ALG2: variants seen among roughly 807,000 people sequenced by gnomAD.
ALG2 encodes alpha-1,3/1,6-mannosyltransferase ALG2.
Under a neutral mutation model 30.5 loss-of-function variants are expected in ALG2, and 32 were observed. That is an observed-to-expected ratio of 1.05 (90% CI 0.79 to 1.41). The LOEUF (loss-of-function observed/expected upper bound fraction) is 1.41. Among genes scored for constraint, ALG2 ranks in the 40% most tolerant of loss-of-function variants. The pLI is 0.00. For synonymous variants in ALG2, 253 were observed against 224.8 expected (o/e 1.13, Z -1.12); for missense variants, 574 against 526.4 (o/e 1.09, Z -0.88).
intron 1 of ALG2, chr9:99,221,125 G>A: frequency 7.3e-7 from 1 of 1,361,462 alleles, no homozygotes; most frequent in Non-Finnish European, 9.7e-7. Context: ...AAGGACAGTG[G>A]GATGCAAATG....
At position 99,218,380 on chromosome 9, in the gene ALG2, C is replaced by T. The variant is rs1828733923; in HGVS notation, c.805G>A (p.Gly269Ser). The change falls in exon 2 of 2, where the codon GGT becomes AGT. Residue 269 changes from glycine (G) to serine (S), a missense_variant. Transcript: ENST00000476832. ...WERVHLIVAGGYDERVLENVE... is the reference protein window; with the variant it reads ...WERVHLIVAGSYDERVLENVE... ...TTCTCCAGGACTCTCTCGTCATAAC[C>T]ACCTGCCACGATCAGATGAACCCTC... 6.2e-7 allele frequency: 1 copy of T among 1,614,214 alleles called. No homozygotes were observed. The highest frequency in any genetic ancestry group is 1.7e-5 in the Admixed American group (1 of 60,024).
intron 1 of ALG2, among the ~76,000 whole-genome samples, chr9:99,219,630 A>G (rs569438015): frequency 2.2e-4 from 33 of 152,386 alleles, no homozygotes; most frequent in African/African-American, 7.2e-4. Flanking sequence ...GCTAGTCATC[A>G]TTGAGCATGA....
intron 1 of ALG2, chr9:99,220,871 A>T (rs1019099348): frequency 2.6e-6 from 3 of 1,167,782 alleles, no homozygotes; most frequent in Non-Finnish European, 3.4e-6. Context: ...TAAATTTTTA[A>T]TCGAGTAAAT....
rs1564217545 is a variant in ALG2, at chr9:99,218,336, T to C, written c.849A>G (p.Glu283=). The C allele has an allele frequency of 6.2e-7, 1 of 1,614,240 alleles. No homozygotes were observed. The highest frequency in any genetic ancestry group is 8.5e-7 in the Non-Finnish European group (1 of 1,180,038). The change falls in exon 2 of 2, where the codon GAA becomes GAG. Residue 283 remains glutamate, a synonymous_variant. Transcript: ENST00000476832. ...CGGACTGTTGGACCATTTTCTTCAA[T>C]TCCTGATAATGTTCCACATTCTCCA... The part of the protein sequence containing the change: ...RVLENVEHYQ[E]LKKMVQQSDL...
At chr9:99,220,726 G>A (rs80182147) in intron 1 of ALG2, among the ~76,000 whole-genome samples, 8,315 of 152,214 alleles carry the variant, frequency 0.055, 309 homozygotes, top group Non-Finnish European at 0.079. Flanking sequence ...CCAATAAGAA[G>A]ATATAGATAT....
rs1410120544 is a variant in ALG2 at position 99,216,564 on chromosome 9, A to T, written c.*1370T>A. ...ATGCACATGATAAACTGTAAAATGG[A>T]ATTTCACCCATTGAAGAGCCCCAAA... On this transcript the variant is annotated 3_prime_UTR_variant, in exon 2 of 2. Coordinates refer to ENST00000476832, the MANE Select transcript of ALG2 (RefSeq NM_033087.4). 2 of 454,024 alleles carry T rather than the reference A, an allele frequency of 4.4e-6. No individual in the cohort carries two copies. The highest frequency in any genetic ancestry group is 8.8e-6 in the Non-Finnish European group (2 of 226,798). 28.1% of individuals were successfully genotyped at this position (454,024 alleles called of 1,614,324 possible).
intron 1 of ALG2, 58 bp from the exon 2 acceptor site, chr9:99,218,894 A>G (rs1401671330): frequency 1.3e-6 from 2 of 1,584,596 alleles, no homozygotes; most frequent in Admixed American, 1.7e-5. Flanking sequence ...CAACCAAACC[A>G]AAAACACAGA....
At position 99,218,822 on chromosome 9, in the gene ALG2, G is replaced by C; in HGVS notation, c.363C>G (p.Ile121Met). 6.2e-7 allele frequency: 1 copy of C among 1,604,356 alleles called. No individual in the cohort carries two copies. Among genetic ancestry groups the C allele is most frequent in the Non-Finnish European group, 8.5e-7 (1 of 1,179,962 alleles). The change falls in exon 2 of 2, where the codon ATC (isoleucine) becomes ATG (methionine). Residue 121 changes from isoleucine to methionine, a missense_variant. Coordinates refer to ENST00000476832, the MANE Select transcript of ALG2 (RefSeq NM_033087.4). ...VVVCDQVSAC[I>M]PVFRLARRRK... is the part of the protein sequence containing the mutation. ...GCCGTCTAGCCAGCCTGAACACTGG[G>C]ATACAGGCAGACACCTAGCCAAAGC...
rs1210458360 is a variant in ALG2 at position 99,218,623 on chromosome 9, A to T, written c.562T>A (p.Phe188Ile). The change falls in exon 2 of 2, where the codon TTC (phenylalanine) becomes ATC (isoleucine). Residue 188 changes from phenylalanine (F) to isoleucine (I), a missense_variant. Phe to Ile is a conservative substitution (Grantham distance 21). Transcript: ENST00000476832. The stretch of plus-strand genomic sequence containing the variant: ...GGGTCTATGTGAGACAGGGACTTGA[A>T]TGTTTCCTTAAAAACAGCAGCTGTG... Reference protein sequence around the residue: ...QFTAAVFKETFKSLSHIDPDV... With the variant: ...QFTAAVFKETIKSLSHIDPDV... The T allele has an allele frequency of 6.2e-7, 1 of 1,614,190 alleles. No homozygotes were observed. The highest frequency in any genetic ancestry group is 1.3e-5 in the African/African-American group (1 of 75,046).
rs1396740951 is a variant in ALG2 at position 99,218,836 on chromosome 9, C to T, written c.349G>A (p.Val117Met). Reference protein sequence around the residue: ...EEFDVVVCDQVSACIPVFRLA... With the variant: ...EEFDVVVCDQMSACIPVFRLA... ...CTGAACACTGGGATACAGGCAGACA[C>T]CTAGCCAAAGCAAAAATCAACAGCG... Residue 117 changes from valine to methionine, a missense_variant and splice_region_variant, in exon 2 of 2, where the codon GTG becomes ATG. By Grantham distance (21) the Val-to-Met change is conservative. Coordinates refer to ENST00000476832, the MANE Select transcript of ALG2 (RefSeq NM_033087.4). The T allele has an allele frequency of 6.2e-7, 1 of 1,602,682 alleles. No individual in the cohort carries two copies. Among genetic ancestry groups the T allele is most frequent in the South Asian group, 1.1e-5 (1 of 91,078 alleles).
rs1414961687 is a variant in ALG2 at position 99,217,396 on chromosome 9, A to T, written c.*538T>A. ...TGATAAACACCTTTTATTATATCTC[A>T]GTGTGCAAAAATACAAATTATCTTA... On this transcript the variant is annotated 3_prime_UTR_variant, in exon 2 of 2. Transcript: ENST00000476832. 1 of 453,954 alleles carries T rather than the reference A, an allele frequency of 2.2e-6. No individual in the cohort carries two copies. The highest frequency in any genetic ancestry group is 2.0e-5 in the African/African-American group (1 of 49,992). The allele number at this position is 453,954 out of a possible 1,614,324, so 28.1% of individuals were successfully genotyped here. A position where few individuals can be genotyped will look rare whatever the true frequency, so the allele number is the denominator to read the frequency against.
At position 99,218,502 on chromosome 9, in the gene ALG2, A is replaced by G. The variant is rs763280373; in HGVS notation, c.683T>C (p.Leu228Pro). Residue 228 changes from leucine (L) to proline (P), a missense_variant, in exon 2 of 2, where the codon CTG becomes CCG. By Grantham distance (98) the Leu-to-Pro change is moderately conservative. Coordinates refer to ENST00000476832, the MANE Select transcript of ALG2 (RefSeq NM_033087.4). Reference sequence around the variant, plus strand: ...CCTTTCGTATCTGTTGATGGAGAGCAGCAGGAATTTTTTCCCCTTGGGGAC... The same window carrying G: ...CCTTTCGTATCTGTTGATGGAGAGCGGCAGGAATTTTTTCCCCTTGGGGAC... ...DLVPKGKKFLLLSINRYERKK... is the reference protein window; with the variant it reads ...DLVPKGKKFLPLSINRYERKK... 4 of 1,614,246 alleles carry G rather than the reference A, an allele frequency of 2.5e-6. No individual in the cohort carries two copies. Among genetic ancestry groups the G allele is most frequent in the Non-Finnish European group, 3.4e-6 (4 of 1,180,036 alleles).
chr9:99,221,132 A>C, intron 1 of ALG2: 1 of 1,359,454 alleles, frequency 7.4e-7, no homozygotes, highest in Non-Finnish European at 9.7e-7. Flanking sequence ...GTGGGATGCA[A>C]ATGGCCTGAA....
chr9:99,216,610 C>G lies in ALG2; in HGVS notation c.*1324G>C. The G allele has an allele frequency of 2.2e-6, 1 of 453,854 alleles. No homozygotes were observed. 28.1% of individuals were successfully genotyped at this position (453,854 alleles called of 1,614,324 possible). On this transcript the variant is annotated 3_prime_UTR_variant, in exon 2 of 2. Transcript: ENST00000476832. ...CCAAAAGAACAATATGGTAGTGCAG[C>G]ATGAACTAACATGCAATTTCTAATT...
intron 1 of ALG2, chr9:99,221,219 G>A: frequency 7.8e-7 from 1 of 1,286,882 alleles, no homozygotes; most frequent in Non-Finnish European, 1.0e-6. Context: ...GACTGAAGCT[G>A]ACTTCTAATA....
intron 1 of ALG2, chr9:99,221,041 G>A (rs1482265382): frequency 5.9e-6 from 8 of 1,353,872 alleles, no homozygotes; most frequent in Non-Finnish European, 7.8e-6. Flanking sequence ...AGTTTTAATA[G>A]GGGCATGATA....
rs1376283234 is a variant in ALG2 at position 99,217,466 on chromosome 9, GACAA to G, written c.*464_*467del. 2.2e-6 allele frequency: 1 copy of G among 454,444 alleles called. No homozygotes were observed. Among genetic ancestry groups the G allele is most frequent in the Non-Finnish European group, 4.4e-6 (1 of 226,908 alleles). 28.2% of individuals were successfully genotyped at this position (454,444 alleles called of 1,614,324 possible). On this transcript the variant is annotated 3_prime_UTR_variant, in exon 2 of 2. Transcript: ENST00000476832. ...TCGCTATGGATCCAGGCAAAGACAG[GACAA>G]ACAAAAATTCCCTAACAGATGACAG...
chr9:99,221,878 C>T lies in ALG2; in HGVS notation c.17G>A (p.Gly6Asp). Residue 6 changes from glycine to aspartate, a missense_variant, in exon 1 of 2, where the codon GGC becomes GAC. Coordinates refer to ENST00000476832, the MANE Select transcript of ALG2 (RefSeq NM_033087.4). MAEEQGRERDSVPKPS... is the reference protein window; with the variant it reads MAEEQDRERDSVPKPS... ...CTTGGGAACCGAGTCCCGTTCCCGG[C>T]CCTGCTCCTCCGCCATGGCCCTGGA... 1.3e-6 allele frequency: 2 copies of T among 1,588,908 alleles called. No homozygotes were observed. The highest frequency in any genetic ancestry group is 1.1e-5 in the South Asian group (1 of 90,026).
chr9:99,216,567 T>C lies in ALG2; in HGVS notation c.*1367A>G. ...CACATGATAAACTGTAAAATGGAATTTCACCCATTGAAGAGCCCCAAAAGA... is the reference window on the plus strand; with the variant it reads ...CACATGATAAACTGTAAAATGGAATCTCACCCATTGAAGAGCCCCAAAAGA... On this transcript the variant is annotated 3_prime_UTR_variant, in exon 2 of 2. Coordinates refer to ENST00000476832, the MANE Select transcript of ALG2 (RefSeq NM_033087.4). 1 of 454,126 alleles carries C rather than the reference T, an allele frequency of 2.2e-6. No homozygotes were observed. Among genetic ancestry groups the C allele is most frequent in the Middle Eastern group, 6.9e-4 (1 of 1,444 alleles). 28.1% of individuals were successfully genotyped at this position (454,126 alleles called of 1,614,324 possible). A position where few individuals can be genotyped will look rare whatever the true frequency, so the allele number is the denominator to read the frequency against.
Sources: allele counts gnomAD v4.1 joint callset (sites outside exome capture counted in the v4.1 genomes callset), GRCh38; gene constraint gnomAD v4.1.1; transcripts MANE v1.5; gene names NCBI Gene and HGNC (gene_info 2026-07-23, HGNC 2026-07-21).